The following NFIB variants were observed in gnomAD, a reference collection of about 807,000 sequenced individuals.
NFIB encodes the protein nuclear factor I B, also known as nuclear factor 1 B-type.
A neutral mutation model predicts 61.5 loss-of-function variants in NFIB; 11 were observed. The ratio of observed to expected loss-of-function variants is 0.18; its 90% CI spans 0.11 to 0.30. NFIB has a LOEUF of 0.30. NFIB is among the 10% of genes least tolerant of loss of function. The pLI, the probability that NFIB is intolerant of heterozygous loss-of-function variation, is 1.00. For missense variants in NFIB, 471 were observed against 608.9 expected, an observed-to-expected ratio of 0.77 and a Z score of 2.38; for synonymous variants, 260 against 216.5, an observed-to-expected ratio of 1.20 and a Z score of -1.76.
At chr9:14,267,653 C>T (rs915263123) in intron 2 of NFIB, among the ~76,000 whole-genome samples, 1 of 152,106 alleles carries the variant, frequency 6.6e-6, no homozygotes, top group African/African-American at 2.4e-5. Flanking sequence ...AAATGACTTG[C>T]TTATAAATTT....
At chr9:14,441,954 T>A in the NFIB span, among the ~76,000 whole-genome samples, 1 of 152,234 alleles carries the variant, frequency 6.6e-6, no homozygotes. Flanking sequence ...TGTTTTAAAA[T>A]AGCTACCATT....
chr9:14,415,257 A>C, the NFIB span, among the ~76,000 whole-genome samples: 1 of 152,202 alleles, frequency 6.6e-6, no homozygotes. Context: ...TGCTTGCCAC[A>C]TGGACTTTCT....
chr9:14,487,858 G>C, the NFIB span, among the ~76,000 whole-genome samples: 13,007 of 152,122 alleles, frequency 0.086, 694 homozygotes, highest in South Asian at 0.23. Context: ...GACAGACGAC[G>C]AAGGATTTCA....
At chr9:14,403,756 A>G (rs1205688972), upstream of NFIB, among the ~76,000 whole-genome samples, 1 of 152,190 alleles carries the variant, frequency 6.6e-6, no homozygotes, top group African/African-American at 2.4e-5. Flanking sequence ...TTGTCATGTA[A>G]TATCAGTGCC....
chr9:14,422,170 G>A, the NFIB span, among the ~76,000 whole-genome samples: 19 of 152,278 alleles, frequency 1.2e-4, no homozygotes, highest in Admixed American at 8.5e-4. Flanking sequence ...AGGAGACTCC[G>A]ACCCAGGAAG....
chr9:14,123,262 A>G (rs1307818968), intron 7 of NFIB, among the ~76,000 whole-genome samples: 1 of 150,844 alleles, frequency 6.6e-6, no homozygotes, highest in Non-Finnish European at 1.5e-5. Flanking sequence ...AAAAAAAAAG[A>G]AAAGAAAAAG....
the NFIB span, among the ~76,000 whole-genome samples, chr9:14,450,282 C>A: frequency 5.1e-3 from 784 of 152,270 alleles, 9 homozygotes; most frequent in African/African-American, 0.018. Flanking sequence ...TTAAAGTCCT[C>A]TGTATAACTG....
intron 2 of NFIB, among the ~76,000 whole-genome samples, chr9:14,228,493 T>C (rs954487614): frequency 2.0e-5 from 3 of 152,156 alleles, no homozygotes; most frequent in African/African-American, 7.2e-5. Context: ...CGATTCTTAA[T>C]AGTAATTCCC....
the NFIB span, among the ~76,000 whole-genome samples, chr9:14,439,136 C>T: frequency 6.6e-6 from 1 of 152,042 alleles, no homozygotes; most frequent in African/African-American, 2.4e-5. Flanking sequence ...TTTGGGAGGC[C>T]GAGACAAGAG....
chr9:14,204,729 A>T, intron 2 of NFIB: 3 of 585,052 alleles, frequency 5.1e-6, no homozygotes, highest in South Asian at 3.8e-5. Context: ...TACAACATGG[A>T]TCCCATCGAG....
At chr9:14,350,652 G>A (rs1027829042) in intron 1 of NFIB, among the ~76,000 whole-genome samples, 2 of 152,146 alleles carry the variant, frequency 1.3e-5, no homozygotes, top group Admixed American at 6.5e-5. Context: ...AATATCAGGC[G>A]CTGCCAGATG....
chr9:14,249,549 T>C (rs568796886), intron 2 of NFIB, among the ~76,000 whole-genome samples: 1 of 152,288 alleles, frequency 6.6e-6, no homozygotes, highest in South Asian at 2.1e-4. Context: ...TGGGAAATTG[T>C]TTTCTCCCAT....
chr9:14,213,441 A>C (rs2050524042), intron 2 of NFIB, among the ~76,000 whole-genome samples: 1 of 152,218 alleles, frequency 6.6e-6, no homozygotes, highest in African/African-American at 2.4e-5. Context: ...AGAATCACCC[A>C]GAGAGCTTGT....
intron 2 of NFIB, among the ~76,000 whole-genome samples, chr9:14,217,561 G>A (rs895536482): frequency 6.7e-6 from 1 of 150,052 alleles, no homozygotes; most frequent in Non-Finnish European, 1.5e-5. Flanking sequence ...TTGGGAGGCT[G>A]AGGCAGGAGA....
intron 1 of NFIB, among the ~76,000 whole-genome samples, chr9:14,356,627 A>T (rs2061179211): frequency 6.6e-6 from 1 of 152,082 alleles, no homozygotes; most frequent in Non-Finnish European, 1.5e-5. Context: ...GTTTACGAGC[A>T]GGACTCCTCT....
chr9:14,213,210 G>A (rs75410191), intron 2 of NFIB, among the ~76,000 whole-genome samples: 5,852 of 152,272 alleles, frequency 0.038, 361 homozygotes, highest in African/African-American at 0.13. Context: ...GGCACAGTCA[G>A]GTAACTGGTA....
At chr9:14,246,807 T>A (rs2132088965) in intron 2 of NFIB, among the ~76,000 whole-genome samples, 1 of 152,316 alleles carries the variant, frequency 6.6e-6, no homozygotes, top group East Asian at 1.9e-4. Flanking sequence ...CTGAACTGTG[T>A]CCCTGAAAAT....
intron 3 of NFIB, among the ~76,000 whole-genome samples, chr9:14,174,829 T>C (rs539446195): frequency 6.6e-6 from 1 of 152,062 alleles, no homozygotes; most frequent in African/African-American, 2.4e-5. Context: ...AATTTCTCTT[T>C]TCTTTGACTT....
chr9:14,216,374 G>A (rs912291458), intron 2 of NFIB, among the ~76,000 whole-genome samples: 4 of 152,092 alleles, frequency 2.6e-5, no homozygotes, highest in Non-Finnish European at 5.9e-5. Flanking sequence ...TTAAGTCTCT[G>A]TGTGGATGAA....
Sources: gnomAD v4.1 joint callset for allele counts (sites outside exome capture counted in the v4.1 genomes callset) on GRCh38, gnomAD v4.1.1 for gene constraint, MANE v1.5 for transcripts, NCBI Gene and HGNC (gene_info 2026-07-23, HGNC 2026-07-21) for gene names.